ALKBH1: variants seen among roughly 807,000 people sequenced by gnomAD.
ALKBH1 encodes alkB homolog 1, histone H2A dioxygenase.
In ALKBH1, 31 loss-of-function variants were observed where a neutral mutation model predicts 36.6. The ratio of observed to expected loss-of-function variants is 0.85; its 90% CI spans 0.64 to 1.14. The LOEUF is 1.14. Among genes scored for constraint, ALKBH1 ranks in the 50% most tolerant of loss-of-function variants. The probability of loss-of-function intolerance (pLI) is 0.00; values close to 1 mark genes in which losing one functional copy is unlikely to be tolerated. For missense variants in ALKBH1, 490 were observed against 497.3 expected (o/e 0.99, Z 0.14); for synonymous variants, 183 against 186.6 (o/e 0.98, Z 0.16).
chr14:77,691,267 T>C (rs1022572785), intron 3 of ALKBH1, among the ~76,000 whole-genome samples: 1 of 152,218 alleles, frequency 6.6e-6, no homozygotes, highest in Admixed American at 6.5e-5. Context: ...TTCTTCTTCA[T>C]TTCCTATTTA....
At chr14:77,706,054 CAGTAAAAAAA>C (rs2080387906) in intron 1 of ALKBH1, among the ~76,000 whole-genome samples, 1 of 151,120 alleles carries the variant, frequency 6.6e-6, no homozygotes, top group African/African-American at 2.4e-5. Context: ...GACGCTGTCT[CAGTAAAAAAA>C]AGTATATATA....
At chr14:77,680,924 C>G (rs1345409250) in intron 3 of ALKBH1, among the ~76,000 whole-genome samples, 2 of 152,092 alleles carry the variant, frequency 1.3e-5, no homozygotes, top group South Asian at 4.1e-4. Flanking sequence ...GATCCGCCTG[C>G]CTCGGCCTCC....
At chr14:77,686,656 GT>G (rs2080270065) in intron 3 of ALKBH1, among the ~76,000 whole-genome samples, 1 of 152,090 alleles carries the variant, frequency 6.6e-6, no homozygotes, top group Non-Finnish European at 1.5e-5. Context: ...ACAGAGTCTC[GT>G]TTTGTCGCCA....
chr14:77,694,250 T>C (rs2080314752), intron 3 of ALKBH1, among the ~76,000 whole-genome samples: 2 of 152,206 alleles, frequency 1.3e-5, no homozygotes, highest in African/African-American at 4.8e-5. Context: ...CCTCATTAAG[T>C]ATTTGTGGAA....
chr14:77,678,169 C>A (rs2080216488), intron 4 of ALKBH1, among the ~76,000 whole-genome samples: 1 of 146,462 alleles, frequency 6.8e-6, no homozygotes, highest in Admixed American at 6.9e-5. Flanking sequence ...CCATTGAGAT[C>A]ACTTTACAGG....
chr14:77,680,928 G>A (rs1002207867), intron 3 of ALKBH1, among the ~76,000 whole-genome samples: 1 of 151,804 alleles, frequency 6.6e-6, no homozygotes, highest in Non-Finnish European at 1.5e-5. Flanking sequence ...CGCCTGCCTC[G>A]GCCTCCCAAA....
chr14:77,694,757 G>T lies in ALKBH1; in HGVS notation c.436C>A (p.Gln146Lys). 1 of 1,599,760 alleles carries T rather than the reference G, an allele frequency of 6.3e-7. No individual in the cohort carries two copies. The highest frequency in any genetic ancestry group is 1.7e-5 in the Admixed American group (1 of 57,296). ...SKEETQDLWE[Q>K]SKEFLRYKEA... ...ACTTACCTCAGGAACTCTTTGCTCT[G>T]TTCCCACAGATCTTGGGTCTCTTCT... The change falls in exon 3 of 6, where the codon CAG becomes AAG. Residue 146 changes from glutamine (Q) to lysine (K), a missense_variant. Transcript: ENST00000216489.
At chr14:77,682,027 T>C (rs1338981538) in intron 3 of ALKBH1, among the ~76,000 whole-genome samples, 1 of 152,202 alleles carries the variant, frequency 6.6e-6, no homozygotes, top group African/African-American at 2.4e-5. Flanking sequence ...AACCATCTGC[T>C]GAGTCCTGAG....
At chr14:77,685,345 A>C (rs549858962) in intron 3 of ALKBH1, among the ~76,000 whole-genome samples, 1 of 151,930 alleles carries the variant, frequency 6.6e-6, no homozygotes, top group South Asian at 2.1e-4. Flanking sequence ...CAGGAAGCTG[A>C]GGTACAAGAA....
At chr14:77,678,337 G>A (rs914839719) in intron 4 of ALKBH1, among the ~76,000 whole-genome samples, 1 of 152,062 alleles carries the variant, frequency 6.6e-6, no homozygotes, top group Non-Finnish European at 1.5e-5. Flanking sequence ...CTGAAAGTCA[G>A]AATTATATCA....
chr14:77,703,786 C>T (rs200060504), intron 2 of ALKBH1, among the ~76,000 whole-genome samples: 210 of 151,836 alleles, frequency 1.4e-3, no homozygotes, highest in East Asian at 9.3e-3. Flanking sequence ...TTAGTAGAGA[C>T]GGGATTTCAC....
chr14:77,695,943 T>G (rs2080324533), intron 2 of ALKBH1, among the ~76,000 whole-genome samples: 1 of 151,854 alleles, frequency 6.6e-6, no homozygotes, highest in Non-Finnish European at 1.5e-5. Context: ...AATACAAAAA[T>G]TAGTTGGGCG....
chr14:77,697,944 C>T lies in ALKBH1; in HGVS notation c.293-3044G>A, dbSNP rs189426995. 2.6e-5 allele frequency among the ~76,000 whole-genome samples: 4 copies of T among 152,010 alleles called. No homozygotes were observed. The East Asian group carries it at 7.8e-4, about 29-fold the overall frequency. ...GGGAGGATCGCTTGAACCCAGGAGGCACAGGTTGCAGTGAGCCAAGACTGC... is the reference window on the plus strand; with the variant it reads ...GGGAGGATCGCTTGAACCCAGGAGGTACAGGTTGCAGTGAGCCAAGACTGC... On this transcript the variant is annotated intron_variant, in intron 2 of 5. Transcript: ENST00000216489.
chr14:77,675,578 ATTTAT>A, intron 5 of ALKBH1, 73 bp downstream of exon 5: 2 of 1,337,472 alleles, frequency 1.5e-6, no homozygotes, highest in Non-Finnish European at 2.1e-6. Flanking sequence ...AAATACCTGT[ATTTAT>A]TTTAGAGTAA....
rs1460004401 is a variant in ALKBH1 at position 77,672,421 on chromosome 14, A to C, written c.*1391T>G. ...CTTACACATAAGAGATAAATCCATAATTTTTATTCATTTAAAAACCCTGCT... is the reference window on the plus strand; with the variant it reads ...CTTACACATAAGAGATAAATCCATACTTTTTATTCATTTAAAAACCCTGCT... On this transcript the variant is annotated 3_prime_UTR_variant, in exon 6 of 6. Transcript: ENST00000216489. The C allele has an allele frequency of 6.6e-6, 1 of 152,146 alleles. No individual in the cohort carries two copies. The highest frequency in any genetic ancestry group is 2.4e-5 in the African/African-American group (1 of 41,436). 9.4% of individuals were successfully genotyped at this position (152,146 alleles called of 1,614,324 possible).
At chr14:77,707,762 A>C in intron 1 of ALKBH1, 60 bp downstream of exon 1, 1 of 1,525,976 alleles carries the variant, frequency 6.6e-7, no homozygotes, top group Non-Finnish European at 8.8e-7. Flanking sequence ...AAGACACGTA[A>C]GTCCCTCCAA....
intron 4 of ALKBH1, among the ~76,000 whole-genome samples, chr14:77,678,039 C>T (rs2139844061): frequency 1.7e-5 from 2 of 116,282 alleles, no homozygotes; most frequent in East Asian, 5.5e-4. Flanking sequence ...ATGAGGTTAA[C>T]TTTGAGGTCT....
At chr14:77,690,543 A>G (rs1273659022) in intron 3 of ALKBH1, among the ~76,000 whole-genome samples, 1 of 152,230 alleles carries the variant, frequency 6.6e-6, no homozygotes, top group East Asian at 1.9e-4. Context: ...AGTGCTCTAG[A>G]TAAGAAATGA....
At chr14:77,699,983 A>T (rs552127587) in intron 2 of ALKBH1, among the ~76,000 whole-genome samples, 3 of 152,224 alleles carry the variant, frequency 2.0e-5, no homozygotes, top group East Asian at 3.9e-4. Flanking sequence ...TGAACCCGGG[A>T]GGTGGAGCTT....
Sources: gnomAD v4.1 joint callset for allele counts (sites outside exome capture counted in the v4.1 genomes callset) on GRCh38, gnomAD v4.1.1 for gene constraint, MANE v1.5 for transcripts, NCBI Gene and HGNC (gene_info 2026-07-23, HGNC 2026-07-21) for gene names.